The following PARN variants were observed in gnomAD, a reference collection of about 807,000 sequenced individuals.
PARN encodes poly(A)-specific ribonuclease PARN.
A neutral mutation model predicts 102.8 loss-of-function variants in PARN; 71 were observed. The observed-to-expected ratio is 0.69, with a 90% CI of 0.57 to 0.84. PARN has a LOEUF of 0.84. Among genes scored for constraint, PARN ranks in the 40% least tolerant of loss-of-function variants. The pLI, the probability that PARN is intolerant of heterozygous loss-of-function variation, is 0.00. For synonymous variants in PARN, 261 were observed against 252.9 expected, an observed-to-expected ratio of 1.03 and a Z score of -0.30; for missense variants, 782 against 760.9, an observed-to-expected ratio of 1.03 and a Z score of -0.33.
At chr16:14,529,425 A>G (rs1966196787) in intron 21 of PARN, among the ~76,000 whole-genome samples, 1 of 152,214 alleles carries the variant, frequency 6.6e-6, no homozygotes, top group African/African-American at 2.4e-5. Context: ...GAACAATGTC[A>G]GTAGCAATTA....
intron 21 of PARN, among the ~76,000 whole-genome samples, chr16:14,537,722 G>A (rs890087649): frequency 2.0e-5 from 3 of 152,098 alleles, no homozygotes; most frequent in African/African-American, 7.2e-5. Flanking sequence ...TGTGGGAGCC[G>A]AAAAGCTTTG....
intron 21 of PARN, among the ~76,000 whole-genome samples, chr16:14,495,227 C>T (rs867616066): frequency 5.3e-5 from 8 of 152,028 alleles, no homozygotes; most frequent in African/African-American, 1.2e-4. Flanking sequence ...GGCTCATGCC[C>T]GTAGTCGCCA....
At chr16:14,569,891 A>T (rs1460745012) in intron 18 of PARN, among the ~76,000 whole-genome samples, 1 of 152,174 alleles carries the variant, frequency 6.6e-6, no homozygotes, top group East Asian at 1.9e-4. Context: ...ATGCCATCAA[A>T]CTGTACATTT....
chr16:14,624,268 G>A (rs1309961038), intron 5 of PARN, among the ~76,000 whole-genome samples: 1 of 152,154 alleles, frequency 6.6e-6, no homozygotes, highest in East Asian at 1.9e-4. Context: ...GCCCTTGTAT[G>A]CAACTCTGCT....
intron 23 of PARN, among the ~76,000 whole-genome samples, chr16:14,445,463 C>T (rs759252962): frequency 7.9e-5 from 12 of 152,244 alleles, no homozygotes; most frequent in African/African-American, 2.4e-4. Context: ...TTCTGCTAAC[C>T]GTGACAACTG....
chr16:14,489,437 C>CAAA (rs770783306), intron 21 of PARN, among the ~76,000 whole-genome samples: 12 of 59,400 alleles, frequency 2.0e-4, no homozygotes, highest in Non-Finnish European at 2.8e-4. Flanking sequence ...GAGAGAGACT[C>CAAA]AAAAAAAAAA....
At position 14,444,174 on chromosome 16, in the gene PARN, C is replaced by T. The variant is rs112555209; in HGVS notation, c.1864+2714G>A. Among the ~76,000 whole-genome samples the T allele has an allele frequency of 2.6e-5, 4 of 152,272 alleles. No individual in the cohort carries two copies. The East Asian group carries it at 5.8e-4, about 22-fold the overall frequency. ...AATAGGATTAAACACTGAAAACAAA[C>T]CAGGTGGAAAGGATCCATTAAGTTT... On this transcript the variant is annotated intron_variant, in intron 23 of 23. Transcript: ENST00000437198.
intron 21 of PARN, among the ~76,000 whole-genome samples, chr16:14,541,346 C>T (rs1333062101): frequency 6.6e-6 from 1 of 152,128 alleles, no homozygotes; most frequent in Non-Finnish European, 1.5e-5. Context: ...CTCTGGTTGA[C>T]CCTAAACCAT....
rs1011356989 is a variant in PARN at position 14,630,052 on chromosome 16, C to G, written c.19+55G>C. 3 of 1,489,228 alleles carry G rather than the reference C, an allele frequency of 2.0e-6. No homozygotes were observed. The African/African-American group carries it at 4.2e-5, about 21-fold the overall frequency. 92.3% of individuals were successfully genotyped at this position (1,489,228 alleles called of 1,614,324 possible). Reference sequence around the variant, plus strand: ...CACGCCGGCCATGGTCTCGGCCTAGCAGGCCAGGGGCAGCCGGGTGTGGGG... The same window carrying G: ...CACGCCGGCCATGGTCTCGGCCTAGGAGGCCAGGGGCAGCCGGGTGTGGGG... On this transcript the variant is annotated intron_variant, in intron 1 of 23. Coordinates refer to ENST00000437198, the MANE Select transcript of PARN (RefSeq NM_002582.4).
intron 15 of PARN, 106 bp from the exon 16 acceptor site, chr16:14,584,528 C>G: frequency 1.1e-6 from 1 of 895,354 alleles, no homozygotes; most frequent in Non-Finnish European, 1.7e-6. Flanking sequence ...AGTACTGTCT[C>G]CTTGTGTTCT....
At chr16:14,533,757 G>A (rs1966487021) in intron 21 of PARN, among the ~76,000 whole-genome samples, 1 of 152,062 alleles carries the variant, frequency 6.6e-6, no homozygotes, top group Non-Finnish European at 1.5e-5. Flanking sequence ...CTGCCAGTTT[G>A]AGCCAGTTCA....
chr16:14,622,293 C>CTCT (rs1456290636), intron 5 of PARN, among the ~76,000 whole-genome samples: 5 of 152,204 alleles, frequency 3.3e-5, no homozygotes, highest in African/African-American at 9.7e-5. Context: ...GTCTCAACAA[C>CTCT]TCTCCTTCTA....
chr16:14,616,857 C>T (rs919653016), intron 6 of PARN, among the ~76,000 whole-genome samples: 2 of 152,036 alleles, frequency 1.3e-5, no homozygotes, highest in Non-Finnish European at 2.9e-5. Flanking sequence ...ATTACAGCAT[C>T]AGTGGAATAC....
intron 18 of PARN, chr16:14,564,930 T>C (rs1968341042): frequency 2.0e-5 from 3 of 152,084 alleles, no homozygotes. Context: ...TTGAATACAA[T>C]CTCATCTCAA....
intron 21 of PARN, among the ~76,000 whole-genome samples, chr16:14,521,958 A>G (rs1965756932): frequency 6.6e-6 from 1 of 152,246 alleles, no homozygotes; most frequent in African/African-American, 2.4e-5. Context: ...TGTATTCAGT[A>G]CAGTAACATG....
At chr16:14,460,695 C>G (rs1463708680) in intron 22 of PARN, among the ~76,000 whole-genome samples, 1 of 152,172 alleles carries the variant, frequency 6.6e-6, no homozygotes, top group East Asian at 1.9e-4. Context: ...CAATTTAAAG[C>G]ATCAGAAACC....
rs1183123868 is a variant in PARN at position 14,491,348 on chromosome 16, T to C, written c.1481-8521A>G. Reference sequence around the variant, plus strand: ...TCAATTCTGTTTTCCCACATTTAGCTGTTGTCTTCTGAACAGGACCAGGTG... The same window carrying C: ...TCAATTCTGTTTTCCCACATTTAGCCGTTGTCTTCTGAACAGGACCAGGTG... On this transcript the variant is annotated intron_variant, in intron 21 of 23. Transcript: ENST00000437198. Among the ~76,000 whole-genome samples the C allele has an allele frequency of 2.0e-5, 3 of 151,944 alleles. 1 individual carries two copies. The highest frequency in any genetic ancestry group is 4.4e-5 in the Non-Finnish European group (3 of 67,986).
intron 22 of PARN, among the ~76,000 whole-genome samples, chr16:14,479,572 T>C (rs1567307519): frequency 6.6e-6 from 1 of 151,832 alleles, no homozygotes; most frequent in Non-Finnish European, 1.5e-5. Context: ...CAAAGAAATC[T>C]GAAAAAGAAC....
chr16:14,463,847 G>T (rs1437286302), intron 22 of PARN, among the ~76,000 whole-genome samples: 1 of 140,574 alleles, frequency 7.1e-6, no homozygotes, highest in African/African-American at 2.7e-5. Flanking sequence ...TTGGGGGGGG[G>T]GGGACGACAA....
Sources: allele counts gnomAD v4.1 joint callset (sites outside exome capture counted in the v4.1 genomes callset), GRCh38; gene constraint gnomAD v4.1.1; transcripts MANE v1.5; gene names NCBI Gene and HGNC (gene_info 2026-07-23, HGNC 2026-07-21).